DNM2: variants seen among roughly 807,000 people sequenced by gnomAD.
DNM2 encodes dynamin 2, also known as dynamin-2.
Under a neutral mutation model 99.0 loss-of-function variants are expected in DNM2, and 15 were observed. The ratio of observed to expected loss-of-function variants is 0.15; its 90% CI spans 0.10 to 0.23. DNM2 has a LOEUF of 0.23. Among genes scored for constraint, DNM2 ranks in the 10% least tolerant of loss-of-function variants. The pLI is 1.00. For synonymous variants in DNM2, 525 were observed against 481.2 expected, an observed-to-expected ratio of 1.09 and a Z score of -1.19; for missense variants, 742 against 1,189.4, an observed-to-expected ratio of 0.62 and a Z score of 5.53.
In DNM2 at chr19:10,729,189, A is replaced by AT. The variant is rs1568265496; in HGVS notation, c.161+10786_161+10787insT. Among the ~76,000 whole-genome samples, 92 of 145,962 alleles carry AT rather than the reference A, an allele frequency of 6.3e-4. 1 individual carries two copies. Among genetic ancestry groups the AT allele is most frequent in the South Asian group, 1.5e-3 (7 of 4,644 alleles). ...CAAAAAAAAAAAAAAAAAAAAAAAAAATATAAAAAATTAGCCAAGCATGGT... is the reference window on the plus strand; with the variant it reads ...CAAAAAAAAAAAAAAAAAAAAAAAAATATATAAAAAATTAGCCAAGCATGGT... On this transcript the variant is annotated intron_variant, in intron 1 of 20. Transcript: ENST00000389253.
At chr19:10,736,724 T>C (rs1257471944) in intron 1 of DNM2, among the ~76,000 whole-genome samples, 1 of 152,138 alleles carries the variant, frequency 6.6e-6, no homozygotes, top group African/African-American at 2.4e-5. Flanking sequence ...TTTATAACTG[T>C]GTATTATTCC....
Position 10,823,489 on chromosome 19 carries a change from G to A in DNM2, c.1782-299G>A. 4.1e-5 allele frequency: 16 copies of A among 389,820 alleles called. No homozygotes were observed. The South Asian group carries it at 4.5e-4, about 11-fold the overall frequency. 24.1% of individuals were successfully genotyped at this position (389,820 alleles called of 1,614,324 possible). ...GGGCTTTCCTGAAAATGCCCCAGTGGGAGCTTCCCAGCCACAGTTGGTGTC... is the reference window on the plus strand; with the variant it reads ...GGGCTTTCCTGAAAATGCCCCAGTGAGAGCTTCCCAGCCACAGTTGGTGTC... On this transcript the variant is annotated intron_variant, in intron 16 of 20. Coordinates refer to ENST00000389253, the MANE Select transcript of DNM2 (RefSeq NM_001005361.3).
intron 1 of DNM2, among the ~76,000 whole-genome samples, chr19:10,742,916 T>C: frequency 6.7e-6 from 1 of 148,234 alleles, no homozygotes; most frequent in Admixed American, 6.7e-5. Context: ...TTTCTTTCTT[T>C]TTTTTTTTTT....
chr19:10,810,991 C>T (rs1310712961), intron 14 of DNM2: 1 of 152,506 alleles, frequency 6.6e-6, no homozygotes, highest in Non-Finnish European at 1.5e-5. Context: ...CCCCCTCACC[C>T]ACCACCAGGC....
chr19:10,797,557 C>T, intron 10 of DNM2, 39 bp downstream of exon 10: 3 of 1,613,176 alleles, frequency 1.9e-6, no homozygotes, highest in Non-Finnish European at 2.5e-6. Flanking sequence ...TTGTCCCCGT[C>T]CTCCCCCTCC....
At chr19:10,749,231 C>T (rs1316335461) in intron 1 of DNM2, among the ~76,000 whole-genome samples, 1 of 152,178 alleles carries the variant, frequency 6.6e-6, no homozygotes, top group Non-Finnish European at 1.5e-5. Context: ...CGTTCCTGCA[C>T]GTAGCCGTCC....
chr19:10,810,210 GTGCC>G (rs2072493311), intron 14 of DNM2: 3 of 153,594 alleles, frequency 2.0e-5, no homozygotes, highest in Non-Finnish European at 4.4e-5. Context: ...ACCGCCCCAT[GTGCC>G]TGCCTGCCTG....
intron 1 of DNM2, among the ~76,000 whole-genome samples, chr19:10,727,560 G>T (rs1280311719): frequency 2.6e-5 from 4 of 152,116 alleles, no homozygotes; most frequent in East Asian, 1.9e-4. Flanking sequence ...TAGAGGTGGG[G>T]TCTCATTATT....
rs1489550698 is a variant in DNM2 at position 10,764,827 on chromosome 19, T to G, written c.235+5016T>G. The stretch of plus-strand genomic sequence containing the variant: ...GGTTCCCACTGCTTGGCCTCTGTGC[T>G]CACTGTGCTGCCTGCCTGGAACGCC... On this transcript the variant is annotated intron_variant, in intron 2 of 20. Transcript: ENST00000389253. This position sits in a 1 kb window ranked among gnomAD's most constrained non-coding sequence, Gnocchi z 4.1. Among the ~76,000 whole-genome samples the G allele has an allele frequency of 6.6e-6, 1 of 152,214 alleles. No homozygotes were observed. Among genetic ancestry groups the G allele is most frequent in the Non-Finnish European group, 1.5e-5 (1 of 68,032 alleles).
At chr19:10,734,094 A>G (rs912031911) in intron 1 of DNM2, among the ~76,000 whole-genome samples, 4 of 151,368 alleles carry the variant, frequency 2.6e-5, no homozygotes, top group African/African-American at 9.7e-5. Context: ...TGTGGCTCAC[A>G]CTGTAATCTC....
Position 10,720,245 on chromosome 19 carries a change from C to T in DNM2, c.161+1842C>T, listed in dbSNP as rs1284524102. 3.3e-5 allele frequency among the ~76,000 whole-genome samples: 5 copies of T among 150,880 alleles called. No individual in the cohort carries two copies. In the East Asian group the frequency reaches 7.8e-4, roughly 23 times the overall value. ...TTTTTTTTTTTGAGACAGAGTCTCC[C>T]TCTGTCATCCAGTCTGGAGTGCAGT... On this transcript the variant is annotated intron_variant, in intron 1 of 20. Coordinates refer to ENST00000389253, the MANE Select transcript of DNM2 (RefSeq NM_001005361.3).
chr19:10,789,392 A>G (rs933524195), intron 7 of DNM2, among the ~76,000 whole-genome samples: 4 of 152,010 alleles, frequency 2.6e-5, no homozygotes, highest in Non-Finnish European at 5.9e-5. Flanking sequence ...CTGTCATCTC[A>G]CATGGCCATG....
intron 11 of DNM2, among the ~76,000 whole-genome samples, chr19:10,801,212 A>C (rs1315268863): frequency 6.6e-6 from 1 of 152,180 alleles, no homozygotes; most frequent in Non-Finnish European, 1.5e-5. Flanking sequence ...AGACTGAGGC[A>C]GGAGAATTGC....
chr19:10,761,135 TG>T (rs1394711427), intron 2 of DNM2, among the ~76,000 whole-genome samples: 23 of 152,044 alleles, frequency 1.5e-4, no homozygotes, highest in Admixed American at 1.4e-3. Flanking sequence ...ACTACAGGTG[TG>T]TGTCACCATG....
intron 2 of DNM2, among the ~76,000 whole-genome samples, chr19:10,766,310 T>C (rs946704843): frequency 3.9e-5 from 6 of 152,298 alleles, no homozygotes; most frequent in African/African-American, 1.4e-4. Context: ...TCGGTCACTC[T>C]GGGGCTCCAC....
rs575855269 is a variant in DNM2 at position 10,765,095 on chromosome 19, C to G, written c.235+5284C>G. 6.6e-6 allele frequency among the ~76,000 whole-genome samples: 1 copy of G among 152,086 alleles called. No homozygotes were observed. Among genetic ancestry groups the G allele is most frequent in the East Asian group, 1.9e-4 (1 of 5,176 alleles). ...GTCTCAGCCTCCGGCGTAGCTGGGA[C>G]TACAGGCGCCCGCCACCTCGCCCGG... On this transcript the variant is annotated intron_variant, in intron 2 of 20. Coordinates refer to ENST00000389253, the MANE Select transcript of DNM2 (RefSeq NM_001005361.3). The surrounding 1 kb of genome is among the most constrained non-coding windows in gnomAD (Gnocchi z 4.4).
chr19:10,769,075 C>T (rs996855861), intron 2 of DNM2, among the ~76,000 whole-genome samples: 1 of 152,124 alleles, frequency 6.6e-6, no homozygotes, highest in Admixed American at 6.6e-5. Context: ...GCGCCCACTG[C>T]CCCTGGTGCT....
Position 10,817,843 on chromosome 19 carries a change from G to A in DNM2, c.1672-2137G>A, listed in dbSNP as rs1235224133. Among the ~76,000 whole-genome samples the A allele has an allele frequency of 6.6e-6, 1 of 151,152 alleles. No individual in the cohort carries two copies. Among genetic ancestry groups the A allele is most frequent in the Non-Finnish European group, 1.5e-5 (1 of 67,680 alleles). ...CGCGCGCGCGCACGCGTGCGTGCCG[G>A]CAGCACCAGGAAGGCGGCCACTGAT... On this transcript the variant is annotated intron_variant, in intron 15 of 20. Transcript: ENST00000389253. The surrounding 1 kb of genome is among the most constrained non-coding windows in gnomAD (Gnocchi z 4.6).
rs138045795 is a variant in DNM2, at chr19:10,720,388, T to G, written c.161+1985T>G. On this transcript the variant is annotated intron_variant, in intron 1 of 20. Coordinates refer to ENST00000389253, the MANE Select transcript of DNM2 (RefSeq NM_001005361.3). ...CCACCAAGCCCAACTAATTTTTGTATTTTTAGTAGAGACGGGGTTTCACCA... is the reference window on the plus strand; with the variant it reads ...CCACCAAGCCCAACTAATTTTTGTAGTTTTAGTAGAGACGGGGTTTCACCA... Among the ~76,000 whole-genome samples, 338 of 151,892 alleles carry G rather than the reference T, an allele frequency of 2.2e-3. 4 individuals are homozygous for G. Among genetic ancestry groups the G allele is most frequent in the African/African-American group, 7.8e-3 (325 of 41,428 alleles).
Sources: allele counts gnomAD v4.1 joint callset (sites outside exome capture counted in the v4.1 genomes callset), GRCh38; gene constraint gnomAD v4.1.1; non-coding constraint Gnocchi (gnomAD v3.1); transcripts MANE v1.5; gene names NCBI Gene and HGNC (gene_info 2026-07-23, HGNC 2026-07-21).